The following RAB40B variants were observed in gnomAD, a reference collection of about 807,000 sequenced individuals.
The protein encoded by RAB40B is ras-related protein Rab-40B.
A neutral mutation model predicts 24.0 loss-of-function variants in RAB40B; 21 were observed. The observed-to-expected ratio is 0.88, with a 90% CI of 0.62 to 1.26. The LOEUF is 1.26. Ranked by LOEUF, RAB40B falls within the 50% of genes most tolerant of loss-of-function variation. RAB40B has a pLI of 0.00. For synonymous variants in RAB40B, 167 were observed against 169.8 expected, an observed-to-expected ratio of 0.98 and a Z score of 0.13; for missense variants, 348 against 390.5, an observed-to-expected ratio of 0.89 and a Z score of 0.92.
At position 82,667,216 on chromosome 17, in the gene RAB40B, C is replaced by T. The variant is rs900500537; in HGVS notation, c.143-2660G>A. Among the ~76,000 whole-genome samples the T allele has an allele frequency of 6.6e-6, 1 of 152,260 alleles. No homozygotes were observed. The highest frequency in any genetic ancestry group is 2.4e-5 in the African/African-American group (1 of 41,470). On this transcript the variant is annotated intron_variant, in intron 1 of 5. Transcript: ENST00000571995. The surrounding 1 kb of genome is among the most constrained non-coding windows in gnomAD (Gnocchi z 4.3). ...CCCTTGGACTTGGCCACAAGCCCCC[C>T]TGCATCCCAGGAGGCAGTGTGCCGA... is the stretch of plus-strand genomic sequence containing the variant.
intron 4 of RAB40B, 94 bp from the exon 5 acceptor site, chr17:82,658,807 C>A (rs562978253): frequency 8.8e-7 from 1 of 1,134,508 alleles, no homozygotes; most frequent in Admixed American, 2.7e-5. Context: ...GAACCCCCCA[C>A]GAGTTCATGT....
Position 82,698,644 on chromosome 17 carries a change from G to A in RAB40B, c.-48C>T, listed in dbSNP as rs781039510. Reference sequence around the variant, plus strand: ...CCATGCCCGGCCTGCGGGGCTGAGCGCAGAGGCGGCGGCCCGGCCCCGAGA... The same window carrying A: ...CCATGCCCGGCCTGCGGGGCTGAGCACAGAGGCGGCGGCCCGGCCCCGAGA... On this transcript the variant is annotated 5_prime_UTR_variant, in exon 1 of 6. Coordinates refer to ENST00000571995, the MANE Select transcript of RAB40B (RefSeq NM_006822.3). 7.2e-6 allele frequency: 9 copies of A among 1,247,812 alleles called. No homozygotes were observed. The highest frequency in any genetic ancestry group is 3.8e-5 in the East Asian group (1 of 26,032). 77.3% of individuals were successfully genotyped at this position (1,247,812 alleles called of 1,614,324 possible).
At position 82,693,942 on chromosome 17, in the gene RAB40B, G is replaced by T. The variant is rs137868013; in HGVS notation, c.142+4513C>A. ...TACTAAAAATACAAAAATTAGCCAG[G>T]CGTGGTGGCGCACACCTGTAGTCCC... On this transcript the variant is annotated intron_variant, in intron 1 of 5. Coordinates refer to ENST00000571995, the MANE Select transcript of RAB40B (RefSeq NM_006822.3). Among the ~76,000 whole-genome samples the T allele has an allele frequency of 9.2e-3, 1,388 of 151,240 alleles. 52 individuals are homozygous for T. The highest frequency in any genetic ancestry group is 0.032 in the African/African-American group (1,322 of 40,800).
In RAB40B at chr17:82,663,195, G is replaced by T. The variant is rs908554270; in HGVS notation, c.203+1301C>A. Among the ~76,000 whole-genome samples, 10 of 152,180 alleles carry T rather than the reference G, an allele frequency of 6.6e-5. No individual in the cohort carries two copies. The highest frequency in any genetic ancestry group is 2.4e-4 in the African/African-American group (10 of 41,512). On this transcript the variant is annotated intron_variant, in intron 2 of 5. Transcript: ENST00000571995. This position sits in a 1 kb window ranked among gnomAD's most constrained non-coding sequence, Gnocchi z 6.2. ...AGCAGGAAGGGTCGGGGCGCTTGGG[G>T]ACACTGTGGAGACAGGCTCCCCAGG...
At chr17:82,680,860 T>A (rs1001200068) in intron 1 of RAB40B, among the ~76,000 whole-genome samples, 1 of 151,538 alleles carries the variant, frequency 6.6e-6, no homozygotes, top group African/African-American at 2.4e-5. Flanking sequence ...TGAAACCCCG[T>A]CTCTACTAAA....
Position 82,663,469 on chromosome 17 carries a change from C to T in RAB40B, c.203+1027G>A, listed in dbSNP as rs965781023. On this transcript the variant is annotated intron_variant, in intron 2 of 5. Coordinates refer to ENST00000571995, the MANE Select transcript of RAB40B (RefSeq NM_006822.3). The surrounding 1 kb of genome is among the most constrained non-coding windows in gnomAD (Gnocchi z 6.2). ...GAGCTGGAACCGCAGGAGCTCCCCC[C>T]ATCCCAAGCCAAGAGCGGGTGGAGG... 2.0e-5 allele frequency among the ~76,000 whole-genome samples: 3 copies of T among 152,128 alleles called. No individual in the cohort carries two copies. Among genetic ancestry groups the T allele is most frequent in the African/African-American group, 4.8e-5 (2 of 41,428 alleles).
chr17:82,695,532 G>A (rs1365085344), intron 1 of RAB40B, among the ~76,000 whole-genome samples: 9 of 146,646 alleles, frequency 6.1e-5, no homozygotes, highest in Non-Finnish European at 1.3e-4. Flanking sequence ...GTTTCTCAGC[G>A]AAACATGTCA....
chr17:82,666,035 C>A (rs903762007), intron 1 of RAB40B, among the ~76,000 whole-genome samples: 8 of 97,296 alleles, frequency 8.2e-5, no homozygotes, highest in African/African-American at 2.4e-4. Context: ...CACCACTGCA[C>A]CTGCCACCAC....
In RAB40B at chr17:82,657,898, T is replaced by TA; in HGVS notation, c.801_802insT (p.Lys268Ter). On this transcript the variant is annotated frameshift_variant, in exon 6 of 6. Coordinates refer to ENST00000571995, the MANE Select transcript of RAB40B (RefSeq NM_006822.3). LOFTEE classifies it low-confidence loss of function (END_TRUNC). ...TTGCAGCTGTTTCTGGTGCAGTTTTTGGGGGGGCTCTGGGGGGGGCGGACG... is the reference window on the plus strand; with the variant it reads ...TTGCAGCTGTTTCTGGTGCAGTTTTTAGGGGGGGCTCTGGGGGGGGCGGACG... 2 of 462,686 alleles carry TA rather than the reference T, an allele frequency of 4.3e-6. No homozygotes were observed. The highest frequency in any genetic ancestry group is 4.1e-5 in the Admixed American group (1 of 24,122). The allele number at this position is 462,686 out of a possible 1,614,324, so 28.7% of individuals were successfully genotyped here.
intron 1 of RAB40B, among the ~76,000 whole-genome samples, chr17:82,676,652 G>A (rs962008402): frequency 6.6e-6 from 1 of 152,062 alleles, no homozygotes; most frequent in Non-Finnish European, 1.5e-5. Context: ...TTTTGAGATG[G>A]AGTCTCGCTG....
chr17:82,676,130 C>T (rs951935417), intron 1 of RAB40B, among the ~76,000 whole-genome samples: 1 of 152,142 alleles, frequency 6.6e-6, no homozygotes, highest in African/African-American at 2.4e-5. Context: ...CCTCGTGGGA[C>T]GCACTCACCA....
intron 1 of RAB40B, among the ~76,000 whole-genome samples, chr17:82,666,098 G>A (rs963405241): frequency 2.0e-5 from 3 of 151,668 alleles, no homozygotes; most frequent in Non-Finnish European, 4.4e-5. Context: ...CACCGCACCT[G>A]CCACCACACC....
At chr17:82,679,280 T>TA (rs560978331) in intron 1 of RAB40B, among the ~76,000 whole-genome samples, 205 of 148,286 alleles carry the variant, frequency 1.4e-3, no homozygotes, top group Non-Finnish European at 2.4e-3. Context: ...TTATTATTAT[T>TA]TTATTTTATT....
chr17:82,687,843 A>G (rs2046517194), intron 1 of RAB40B, among the ~76,000 whole-genome samples: 1 of 152,222 alleles, frequency 6.6e-6, no homozygotes, highest in African/African-American at 2.4e-5. Flanking sequence ...AAGCTGAGGC[A>G]GGAGGATCGC....
intron 1 of RAB40B, 79 bp downstream of exon 1, chr17:82,698,376 C>T: frequency 4.4e-6 from 1 of 225,184 alleles, no homozygotes; most frequent in Non-Finnish European, 8.1e-6. Context: ...CCCGGACCCC[C>T]ACCCGCACCC....
chr17:82,660,124 C>T (rs892321593), intron 3 of RAB40B, among the ~76,000 whole-genome samples: 1 of 151,894 alleles, frequency 6.6e-6, no homozygotes, highest in Admixed American at 6.5e-5. Context: ...TACCTGCACA[C>T]GTGTACACAC....
intron 1 of RAB40B, among the ~76,000 whole-genome samples, chr17:82,678,624 A>T (rs2046418253): frequency 6.6e-6 from 1 of 152,214 alleles, no homozygotes; most frequent in African/African-American, 2.4e-5. Context: ...AGACGTATTC[A>T]TCTCTCAGCC....
At chr17:82,698,333 T>C (rs1452165238) in intron 1 of RAB40B, 122 bp downstream of exon 1, 26 of 860,564 alleles carry the variant, frequency 3.0e-5, no homozygotes, top group Non-Finnish European at 3.6e-5. Flanking sequence ...CCCCGGCCTC[T>C]TCCCGACCCC....
At chr17:82,661,155 A>C in intron 2 of RAB40B, 108 bp from the exon 3 acceptor site, 1 of 1,514,074 alleles carries the variant, frequency 6.6e-7, no homozygotes, top group Middle Eastern at 1.8e-4. Flanking sequence ...GCCAGTCAGC[A>C]GCCACCACGC....
Sources: gnomAD v4.1 joint callset for allele counts (sites outside exome capture counted in the v4.1 genomes callset) on GRCh38, gnomAD v4.1.1 for gene constraint, Gnocchi (gnomAD v3.1) non-coding constraint, MANE v1.5 for transcripts, NCBI Gene and HGNC (gene_info 2026-07-23, HGNC 2026-07-21) for gene names.